The following CATSPERB variants were observed in gnomAD, a reference collection of about 807,000 sequenced individuals.
The protein encoded by CATSPERB is cation channel sperm-associated auxiliary subunit beta.
In CATSPERB, 93 loss-of-function variants were observed where a neutral mutation model predicts 128.3. The ratio of observed to expected loss-of-function variants is 0.72; its 90% CI spans 0.61 to 0.86. The LOEUF is 0.86. Among genes scored for constraint, CATSPERB ranks in the 40% least tolerant of loss-of-function variants. CATSPERB has a pLI of 0.00. For synonymous variants in CATSPERB, 381 were observed against 448.8 expected, an observed-to-expected ratio of 0.85 and a Z score of 1.91; for missense variants, 1,153 against 1,329.5, an observed-to-expected ratio of 0.87 and a Z score of 2.06.
chr14:91,632,750 T>C (rs1894300886), intron 17 of CATSPERB, among the ~76,000 whole-genome samples: 1 of 151,948 alleles, frequency 6.6e-6, no homozygotes, highest in Admixed American at 6.6e-5. Context: ...CTGCATTAAA[T>C]AGGAAAGCAT....
chr14:91,628,059 G>C (rs1003466610), intron 17 of CATSPERB, among the ~76,000 whole-genome samples: 2 of 152,092 alleles, frequency 1.3e-5, no homozygotes, highest in Non-Finnish European at 2.9e-5. Context: ...TGGTGGGAGG[G>C]GGCAAAGAGT....
intron 15 of CATSPERB, among the ~76,000 whole-genome samples, chr14:91,644,105 T>C (rs1342442202): frequency 7.3e-6 from 1 of 136,168 alleles, no homozygotes. Context: ...TATGTGTGTC[T>C]CTGCACGTGA....
At chr14:91,656,128 AAAAG>A (rs773005929) in intron 15 of CATSPERB, among the ~76,000 whole-genome samples, 11 of 152,304 alleles carry the variant, frequency 7.2e-5, no homozygotes, top group Non-Finnish European at 1.5e-4. Context: ...CTGAGATAAA[AAAAG>A]AAACCTGAGG....
chr14:91,618,430 C>T (rs1215817649), intron 19 of CATSPERB, among the ~76,000 whole-genome samples: 3 of 152,168 alleles, frequency 2.0e-5, no homozygotes, highest in Non-Finnish European at 4.4e-5. Flanking sequence ...GTGGTTCAAA[C>T]GCCTCTGACA....
chr14:91,603,893 G>A (rs1254101084), intron 22 of CATSPERB, among the ~76,000 whole-genome samples: 1 of 152,000 alleles, frequency 6.6e-6, no homozygotes, highest in Non-Finnish European at 1.5e-5. Flanking sequence ...AATTCGACAT[G>A]AGATTTGGTG....
intron 11 of CATSPERB, among the ~76,000 whole-genome samples, chr14:91,674,620 A>G (rs1156232203): frequency 2.0e-5 from 3 of 152,250 alleles, no homozygotes; most frequent in Middle Eastern, 3.4e-3. Context: ...TTTTGCCTTG[A>G]AAACATACTT....
Position 91,621,624 on chromosome 14 carries a change from GA to G in CATSPERB, c.2243del (p.Val748AlafsTer16), listed in dbSNP as rs1894043360. 1 of 1,597,872 alleles carries G rather than the reference GA, an allele frequency of 6.3e-7. No homozygotes were observed. Among genetic ancestry groups the G allele is most frequent in the African/African-American group, 1.3e-5 (1 of 74,174 alleles). ...LGNSYVLKAK[V>X]IRNAKGFRML... ...CAAACTTACCTTTTGCATTCCGTAT[GA>G]CCTTAGCTTTTAAAACATAAGAGTT... is the stretch of plus-strand genomic sequence containing the variant. On this transcript the variant is annotated frameshift_variant, in exon 19 of 27. Transcript: ENST00000256343. LOFTEE classifies it high-confidence loss of function.
At chr14:91,717,108 G>A (rs952470584) in intron 5 of CATSPERB, among the ~76,000 whole-genome samples, 1 of 152,148 alleles carries the variant, frequency 6.6e-6, no homozygotes, top group Non-Finnish European at 1.5e-5. Context: ...CTAAGTGAAA[G>A]AAGCCAGACT....
At chr14:91,649,393 C>A (rs1043826577) in intron 15 of CATSPERB, among the ~76,000 whole-genome samples, 1 of 151,700 alleles carries the variant, frequency 6.6e-6, no homozygotes, top group African/African-American at 2.4e-5. Context: ...GTCTTGAACT[C>A]CTGCGCTCAA....
At chr14:91,649,641 C>G (rs115634418) in intron 15 of CATSPERB, among the ~76,000 whole-genome samples, 3,367 of 123,562 alleles carry the variant, frequency 0.027, 225 homozygotes, top group African/African-American at 0.099. Context: ...GGATTACAGA[C>G]GCCCGCCAGC....
At chr14:91,659,200 T>C (rs975481818) in intron 15 of CATSPERB, among the ~76,000 whole-genome samples, 2 of 152,192 alleles carry the variant, frequency 1.3e-5, no homozygotes, top group East Asian at 3.8e-4. Flanking sequence ...AAATGATAAA[T>C]GTTTGAGATG....
At chr14:91,606,603 T>G (rs920766462) in intron 22 of CATSPERB, among the ~76,000 whole-genome samples, 1 of 152,210 alleles carries the variant, frequency 6.6e-6, no homozygotes, top group South Asian at 2.1e-4. Flanking sequence ...ATAATTCTGG[T>G]TCAGGATATG....
intron 5 of CATSPERB, among the ~76,000 whole-genome samples, chr14:91,712,164 A>G (rs190091265): frequency 2.0e-5 from 3 of 152,348 alleles, no homozygotes; most frequent in East Asian, 3.8e-4. Context: ...AATCATCAAT[A>G]TGTTCTTGGA....
At chr14:91,725,259 A>C in intron 2 of CATSPERB, 91 bp from the exon 3 acceptor site, 1 of 516,406 alleles carries the variant, frequency 1.9e-6, no homozygotes, top group Non-Finnish European at 3.2e-6. Context: ...AAATATTTTT[A>C]AGGAATAAGA....
intron 22 of CATSPERB, among the ~76,000 whole-genome samples, chr14:91,599,687 C>T (rs894753541): frequency 1.3e-5 from 2 of 152,052 alleles, no homozygotes; most frequent in African/African-American, 2.4e-5. Context: ...AGACATGAGA[C>T]GTCAATCAAT....
rs1278533217 is a variant in CATSPERB, at chr14:91,665,687, T to C, written c.1287+4127A>G. Among the ~76,000 whole-genome samples the C allele has an allele frequency of 2.6e-5, 4 of 152,166 alleles. No individual in the cohort carries two copies. The East Asian group carries it at 7.7e-4, about 29-fold the overall frequency. ...GAGATAGAGACCAGCCTGGCTAACA[T>C]GGTGAAACCCCCTCTTTACTAAAAA... On this transcript the variant is annotated intron_variant, in intron 14 of 26. Transcript: ENST00000256343.
intron 5 of CATSPERB, among the ~76,000 whole-genome samples, chr14:91,716,509 C>A (rs770066967): frequency 1.3e-5 from 2 of 151,898 alleles, no homozygotes; most frequent in Non-Finnish European, 2.9e-5. Context: ...ACCCAGGAGG[C>A]GGAGGCTGCA....
intron 2 of CATSPERB, among the ~76,000 whole-genome samples, chr14:91,726,346 CT>C (rs1896119612): frequency 6.6e-6 from 1 of 152,230 alleles, no homozygotes; most frequent in Non-Finnish European, 1.5e-5. Flanking sequence ...CGTCCGGCTC[CT>C]GCACCTGCCC....
intron 18 of CATSPERB, among the ~76,000 whole-genome samples, chr14:91,622,686 T>G (rs900592400): frequency 1.3e-5 from 2 of 152,132 alleles, no homozygotes; most frequent in Admixed American, 6.5e-5. Flanking sequence ...CTCCAATTTC[T>G]CCCAGTTCAA....
Sources: gnomAD v4.1 joint callset for allele counts (sites outside exome capture counted in the v4.1 genomes callset) on GRCh38, gnomAD v4.1.1 for gene constraint, MANE v1.5 for transcripts, NCBI Gene and HGNC (gene_info 2026-07-23, HGNC 2026-07-21) for gene names.